GPR89B: variants seen among roughly 807,000 people sequenced by gnomAD.
The protein encoded by GPR89B is G protein-coupled receptor 89B.
GPR89B carries 25 observed loss-of-function variants against 52.4 expected under a neutral mutation model. That is an observed-to-expected ratio of 0.48 (90% confidence interval 0.35 to 0.67). The LOEUF is 0.67. Among genes scored for constraint, GPR89B ranks in the 30% least tolerant of loss-of-function variants. The pLI is 0.01. For missense variants in GPR89B, 146 were observed against 450.2 expected, an observed-to-expected ratio of 0.32 and a Z score of 6.11; for synonymous variants, 52 against 151.2, an observed-to-expected ratio of 0.34 and a Z score of 4.81.
intron 10 of GPR89B, among the ~76,000 whole-genome samples, chr1:147,980,750 C>T (rs1261550493): frequency 7.0e-5 from 9 of 128,528 alleles, no homozygotes; most frequent in Admixed American, 2.9e-4. Context: ...ACCCGGGAGG[C>T]GGAGCTTGCA....
intron 10 of GPR89B, among the ~76,000 whole-genome samples, chr1:147,971,007 A>C (rs2149078814): frequency 6.6e-6 from 1 of 151,434 alleles, no homozygotes; most frequent in South Asian, 2.1e-4. Flanking sequence ...TAAAGGATCT[A>C]GTGTTACAAT....
chr1:147,931,767 T>G (rs1653643293), intron 1 of GPR89B, among the ~76,000 whole-genome samples: 1 of 151,676 alleles, frequency 6.6e-6, no homozygotes, highest in African/African-American at 2.4e-5. Context: ...CTCCAGTTTC[T>G]GTTTTTGCCA....
intron 5 of GPR89B, among the ~76,000 whole-genome samples, chr1:147,949,823 C>T (rs1244418116): frequency 5.5e-5 from 8 of 145,302 alleles, no homozygotes; most frequent in African/African-American, 1.6e-4. Flanking sequence ...CCCTCCCGGA[C>T]GGGGCAGCTT....
chr1:147,984,996 T>C (rs1658560294), intron 10 of GPR89B, among the ~76,000 whole-genome samples: 1 of 152,228 alleles, frequency 6.6e-6, no homozygotes, highest in Non-Finnish European at 1.5e-5. Flanking sequence ...TCCATAAATG[T>C]CAATTACGTC....
rs1416390841 is a variant in GPR89B at position 147,968,798 on chromosome 1, C to T, written c.728-77C>T. ...CTCCGGGAATCCACTGTAGGAAAAA[C>T]TAAAAGTATATGCTTTCTCATTGCC... is the stretch of plus-strand genomic sequence containing the variant. On this transcript the variant is annotated intron_variant, in intron 8 of 13. Coordinates refer to ENST00000314163, the MANE Select transcript of GPR89B (RefSeq NM_016334.5). The T allele has an allele frequency of 1.8e-4, 289 of 1,611,454 alleles. 3 individuals carry two copies. The Middle Eastern group carries it at 6.6e-3, about 37-fold the overall frequency.
rs1657289928 is a variant in GPR89B, at chr1:147,969,873, A to G, written c.823A>G (p.Ile275Val). Residue 275 changes from isoleucine (I) to valine (V), a missense_variant, in exon 10 of 14, where the codon ATA becomes GTA. Ile to Val is a conservative substitution (Grantham distance 29). Coordinates refer to ENST00000314163, the MANE Select transcript of GPR89B (RefSeq NM_016334.5). Reference protein sequence around the residue: ...TADLYATKERIEYSKTFKGKY... With the variant: ...TADLYATKERVEYSKTFKGKY... ...TGTGTTTGTTTTCCCCCAGGAGAGA[A>G]TAGAATACTCCAAAACCTTCAAGGG... 9 of 1,475,114 alleles carry G rather than the reference A, an allele frequency of 6.1e-6. No individual in the cohort carries two copies. Among genetic ancestry groups the G allele is most frequent in the Non-Finnish European group, 7.3e-6 (8 of 1,098,472 alleles). 91.4% of individuals were successfully genotyped at this position (1,475,114 alleles called of 1,614,324 possible).
the GPR89B span, among the ~76,000 whole-genome samples, chr1:148,015,440 G>C: frequency 6.8e-6 from 1 of 147,986 alleles, no homozygotes; most frequent in Non-Finnish European, 1.5e-5. Context: ...TCAGCCTCCC[G>C]AGTAGCTGGG....
chr1:147,991,347 G>T (rs1436956299), intron 12 of GPR89B, among the ~76,000 whole-genome samples: 4 of 152,008 alleles, frequency 2.6e-5, no homozygotes, highest in Admixed American at 2.6e-4. Flanking sequence ...GGAGATTTTG[G>T]GCTGAGACGA....
At chr1:147,992,313 G>A (rs1571326945) in intron 12 of GPR89B, among the ~76,000 whole-genome samples, 189 bp from the exon 13 acceptor site, 1 of 146,602 alleles carries the variant, frequency 6.8e-6, no homozygotes, top group African/African-American at 2.6e-5. Flanking sequence ...TTACCCCCAG[G>A]GGGAAAGTAT....
chr1:147,947,347 A>T (rs1484980523), intron 5 of GPR89B, among the ~76,000 whole-genome samples: 1 of 152,168 alleles, frequency 6.6e-6, no homozygotes, highest in African/African-American at 2.4e-5. Flanking sequence ...AAAAAAAAAA[A>T]AAAGATAAGA....
chr1:147,962,757 G>A (rs1656694058), intron 7 of GPR89B, among the ~76,000 whole-genome samples: 1 of 151,616 alleles, frequency 6.6e-6, no homozygotes, highest in African/African-American at 2.4e-5. Flanking sequence ...AATTAGCCCG[G>A]TGTGGTGGCG....
In GPR89B at chr1:147,988,436, A is replaced by T. The variant is rs1658820508; in HGVS notation, c.1010A>T (p.Lys337Met). 2 of 1,112,374 alleles carry T rather than the reference A, an allele frequency of 1.8e-6. No homozygotes were observed. The highest frequency in any genetic ancestry group is 2.8e-6 in the Non-Finnish European group (2 of 726,322). 68.9% of individuals were successfully genotyped at this position (1,112,374 alleles called of 1,614,324 possible). A position where few individuals can be genotyped will look rare whatever the true frequency, so the allele number is the denominator to read the frequency against. The change falls in exon 12 of 14, where the codon AAG (lysine) becomes ATG (methionine). Residue 337 changes from lysine (K) to methionine (M), a missense_variant. By Grantham distance (95) the Lys-to-Met change is moderately conservative. Transcript: ENST00000314163. ...TTTTTCTTGTTATGGTGGCAGGTGAAGTTTTGGTCCCAACACATTTCCTTC... is the reference window on the plus strand; with the variant it reads ...TTTTTCTTGTTATGGTGGCAGGTGATGTTTTGGTCCCAACACATTTCCTTC... The part of the protein sequence containing the change: ...VNYLGIQFDV[K>M]FWSQHISFIL...
chr1:148,009,755 C>G, the GPR89B span, among the ~76,000 whole-genome samples: 1 of 152,132 alleles, frequency 6.6e-6, no homozygotes, highest in Non-Finnish European at 1.5e-5. Flanking sequence ...TCCCTGCCCT[C>G]CCAAGATCCA....
the GPR89B span, among the ~76,000 whole-genome samples, chr1:148,017,738 A>AAAAT: frequency 9.4e-6 from 1 of 105,924 alleles, no homozygotes; most frequent in African/African-American, 4.3e-5. Context: ...ACTCCGTCTC[A>AAAAT]AAATAAATAA....
intron 10 of GPR89B, among the ~76,000 whole-genome samples, chr1:147,973,257 G>A (rs1479087888): frequency 6.6e-6 from 1 of 151,744 alleles, no homozygotes; most frequent in Non-Finnish European, 1.5e-5. Context: ...CAATGATTGA[G>A]TTAATGTACA....
the GPR89B span, among the ~76,000 whole-genome samples, chr1:148,019,183 G>T: frequency 1.3e-5 from 2 of 151,140 alleles, no homozygotes; most frequent in East Asian, 3.9e-4. Flanking sequence ...CACCATATTG[G>T]CCAGGCTGGT....
the GPR89B span, among the ~76,000 whole-genome samples, chr1:148,019,414 G>A: frequency 2.6e-5 from 4 of 151,606 alleles, no homozygotes; most frequent in Admixed American, 2.6e-4. Context: ...AGACACTGGA[G>A]CCTGTTGGAG....
intron 5 of GPR89B, among the ~76,000 whole-genome samples, chr1:147,950,811 C>T (rs1343229768): frequency 3.9e-5 from 6 of 152,300 alleles, no homozygotes; most frequent in African/African-American, 1.4e-4. Flanking sequence ...CGCACGCCTG[C>T]AATCGCAGGC....
At chr1:148,022,266 C>T in the GPR89B span, among the ~76,000 whole-genome samples, 5 of 150,184 alleles carry the variant, frequency 3.3e-5, no homozygotes, top group Non-Finnish European at 5.9e-5. Flanking sequence ...GGTTCAAAAT[C>T]GTTTGTCTGG....
Sources: gnomAD v4.1 joint callset for allele counts (sites outside exome capture counted in the v4.1 genomes callset) on GRCh38, gnomAD v4.1.1 for gene constraint, MANE v1.5 for transcripts, NCBI Gene and HGNC (gene_info 2026-07-23, HGNC 2026-07-21) for gene names.